Variants in SYNE1 observed in about 807,000 individuals in gnomAD.
The protein encoded by SYNE1 is spectrin repeat containing nuclear envelope protein 1, also known as nesprin-1.
Under a neutral mutation model 1,111.0 loss-of-function variants are expected in SYNE1, and 616 were observed. The ratio of observed to expected loss-of-function variants is 0.55; its 90% CI spans 0.52 to 0.59. The LOEUF (loss-of-function observed/expected upper bound fraction) is 0.59. Among genes scored for constraint, SYNE1 ranks in the 20% least tolerant of loss-of-function variants. The pLI, the probability that SYNE1 is intolerant of heterozygous loss-of-function variation, is 0.00. For synonymous variants in SYNE1, 3,855 were observed against 3,825.8 expected, an observed-to-expected ratio of 1.01 and a Z score of -0.28; for missense variants, 10,006 against 10,417.0, an observed-to-expected ratio of 0.96 and a Z score of 1.72.
intron 3 of SYNE1, among the ~76,000 whole-genome samples, chr6:152,544,087 T>C (rs185400964): frequency 9.6e-4 from 147 of 152,382 alleles, no homozygotes; most frequent in African/African-American, 3.3e-3. Context: ...ACAATGTTTC[T>C]GTCCTCAGCT....
At chr6:152,318,794 C>A in intron 85 of SYNE1, 69 bp downstream of exon 85, 1 of 1,585,758 alleles carries the variant, frequency 6.3e-7, no homozygotes. Flanking sequence ...ATCCTATATC[C>A]CCAAGTAAAA....
intron 82 of SYNE1, among the ~76,000 whole-genome samples, chr6:152,322,198 C>T (rs2153930077): frequency 6.6e-6 from 1 of 152,002 alleles, no homozygotes; most frequent in East Asian, 1.9e-4. Flanking sequence ...TAAAATGGTA[C>T]ATTTAAAAGT....
rs2056739506 is a variant in SYNE1 at position 152,135,026 on chromosome 6, C to T, written c.25788+78G>A. 2.5e-6 allele frequency: 4 copies of T among 1,593,242 alleles called. No individual in the cohort carries two copies. The Admixed American group carries it at 5.0e-5, about 20-fold the overall frequency. On this transcript the variant is annotated intron_variant, in intron 142 of 145. Transcript: ENST00000367255. ...TTAAAAAAAAAGAAACAACACTTAC[C>T]ACTTATATTCATTTTCTGTAAATGA...
intron 85 of SYNE1, among the ~76,000 whole-genome samples, chr6:152,318,595 T>C (rs1250955028): frequency 6.6e-6 from 1 of 152,230 alleles, no homozygotes. Context: ...ATTTATATAC[T>C]TGTATTCCTA....
intron 99 of SYNE1, among the ~76,000 whole-genome samples, 181 bp downstream of exon 99, chr6:152,268,974 A>G (rs528645559): frequency 1.3e-5 from 2 of 152,204 alleles, no homozygotes; most frequent in Non-Finnish European, 2.9e-5. Context: ...TCAAATGACC[A>G]ATCATCCCAG....
At chr6:152,314,906 G>A (rs62429161) in intron 87 of SYNE1, among the ~76,000 whole-genome samples, 61,377 of 131,714 alleles carry the variant, frequency 0.47, 14,783 homozygotes, top group Admixed American at 0.57. Flanking sequence ...GCGTGATCTC[G>A]GCTCACTGCA....
chr6:152,253,566 A>G (rs1017780309), intron 104 of SYNE1, among the ~76,000 whole-genome samples: 1 of 152,206 alleles, frequency 6.6e-6, no homozygotes, highest in Admixed American at 6.5e-5. Context: ...TTAGCTTTGG[A>G]GACTACATGT....
chr6:152,310,935 T>A, intron 87 of SYNE1, 62 bp from the exon 88 acceptor site: 28 of 1,544,484 alleles, frequency 1.8e-5, no homozygotes, highest in Non-Finnish European at 2.4e-5. Context: ...AGATATTCAA[T>A]ATAGCTTGGC....
chr6:152,540,114 C>G, intron 3 of SYNE1, 93 bp from the exon 4 acceptor site: 2 of 1,279,514 alleles, frequency 1.6e-6, no homozygotes, highest in South Asian at 2.5e-5. Context: ...TGGAAGGAAT[C>G]GTGAAATCGT....
At chr6:152,549,296 T>G (rs2099328972) in intron 3 of SYNE1, among the ~76,000 whole-genome samples, 1 of 152,258 alleles carries the variant, frequency 6.6e-6, no homozygotes, top group Non-Finnish European at 1.5e-5. Flanking sequence ...CTTATATATG[T>G]GTCCTTATGA....
At chr6:152,140,701 AAC>A (rs1443540464) in intron 139 of SYNE1, among the ~76,000 whole-genome samples, 2 of 152,114 alleles carry the variant, frequency 1.3e-5, no homozygotes, top group African/African-American at 4.8e-5. Flanking sequence ...AACATGGGCA[AAC>A]ACTACCATGA....
Position 152,316,990 on chromosome 6 carries a change from A to G in SYNE1, c.16573-4T>C. On this transcript the variant is annotated splice_polypyrimidine_tract_variant and splice_region_variant and intron_variant, in intron 86 of 145. Transcript: ENST00000367255. Reference sequence around the variant, plus strand: ...ATTCTTCTAAATGTGATGCTGCCTGAAAAACCAGTAACATTAATGTAACAA... The same window carrying G: ...ATTCTTCTAAATGTGATGCTGCCTGGAAAACCAGTAACATTAATGTAACAA... 6.2e-7 allele frequency: 1 copy of G among 1,613,746 alleles called. No homozygotes were observed. Among genetic ancestry groups the G allele is most frequent in the Non-Finnish European group, 8.5e-7 (1 of 1,179,970 alleles).
chr6:152,170,609 C>T (rs1487261323), intron 130 of SYNE1, among the ~76,000 whole-genome samples: 2 of 152,196 alleles, frequency 1.3e-5, no homozygotes, highest in Non-Finnish European at 2.9e-5. Context: ...CCGTGAATTC[C>T]AAGAATTTCA....
In SYNE1 at chr6:152,316,845, T is replaced by A. The variant is rs200518752; in HGVS notation, c.16710+4A>T. Reference sequence around the variant, plus strand: ...TTTTTAAAGATTATTTTTCCTAAGGTTACCTGATGCAAAATATATTGTTCC... The same window carrying A: ...TTTTTAAAGATTATTTTTCCTAAGGATACCTGATGCAAAATATATTGTTCC... On this transcript the variant is annotated splice_donor_region_variant and intron_variant, in intron 87 of 145. Transcript: ENST00000367255. 1.9e-6 allele frequency: 3 copies of A among 1,614,140 alleles called. No homozygotes were observed. The highest frequency in any genetic ancestry group is 2.5e-6 in the Non-Finnish European group (3 of 1,180,012).
At chr6:152,606,220 G>A (rs547124492) in intron 3 of SYNE1, among the ~76,000 whole-genome samples, 1 of 152,198 alleles carries the variant, frequency 6.6e-6, no homozygotes, top group African/African-American at 2.4e-5. Context: ...CCTGGCATGA[G>A]GATTAAAGTG....
intron 21 of SYNE1, among the ~76,000 whole-genome samples, chr6:152,459,257 C>G (rs1050392361): frequency 1.3e-5 from 2 of 152,156 alleles, no homozygotes; most frequent in African/African-American, 4.8e-5. Context: ...ATAAACCATG[C>G]AACTCATTTT....
rs7749179 is a variant in SYNE1 at position 152,465,766 on chromosome 6, T to C, written c.1729+216A>G. Among the ~76,000 whole-genome samples the C allele has an allele frequency of 0.42, 56,170 of 133,252 alleles. 11,736 individuals are homozygous for C. The highest frequency in any genetic ancestry group is 0.62 in the African/African-American group (23,183 of 37,570). 87.4% of individuals were successfully genotyped at this position (133,252 alleles called of 152,430 possible). On this transcript the variant is annotated intron_variant, in intron 17 of 145. Coordinates refer to ENST00000367255, the MANE Select transcript of SYNE1 (RefSeq NM_182961.4). ...TTTTGTTCTCTCTTAGAAGAACACA[T>C]ACACACACACACACACACACACACA...
At chr6:152,390,488 GTAAAAACCTTCTTCT>G in intron 52 of SYNE1, 36 bp from the exon 53 acceptor site, 1 of 1,604,856 alleles carries the variant, frequency 6.2e-7, no homozygotes, top group Non-Finnish European at 8.5e-7. Flanking sequence ...CAGTAGGCAT[GTAAAAACCTTCTTCT>G]ATTTTAAAAA....
chr6:152,136,462 G>A (rs113167185), intron 141 of SYNE1, among the ~76,000 whole-genome samples, 156 bp downstream of exon 141: 81 of 152,314 alleles, frequency 5.3e-4, no homozygotes, highest in African/African-American at 1.8e-3. Context: ...AAATGCTCCA[G>A]TAAAATGAAA....
Sources: gnomAD v4.1 joint callset for allele counts (sites outside exome capture counted in the v4.1 genomes callset) on GRCh38, gnomAD v4.1.1 for gene constraint, MANE v1.5 for transcripts, NCBI Gene and HGNC (gene_info 2026-07-23, HGNC 2026-07-21) for gene names.